The following TENM2 variants were observed in gnomAD, a reference collection of about 807,000 sequenced individuals.
The protein encoded by TENM2 is teneurin-2.
TENM2 carries 52 observed loss-of-function variants against 245.2 expected under a neutral mutation model. That is an observed-to-expected ratio of 0.21 (90% CI 0.17 to 0.27). TENM2 has a LOEUF of 0.27. Among genes scored for constraint, TENM2 ranks in the 10% least tolerant of loss-of-function variants. TENM2 has a pLI of 1.00. For missense variants in TENM2, 3,046 were observed against 3,666.8 expected (o/e 0.83, Z 4.37); for synonymous variants, 1,363 against 1,438.9 (o/e 0.95, Z 1.19).
intron 28 of TENM2, 118 bp downstream of exon 30, chr5:168,260,531 G>T (rs774308974): frequency 3.1e-5 from 37 of 1,193,138 alleles, no homozygotes; most frequent in Non-Finnish European, 4.3e-5. Context: ...GGGTATAAAA[G>T]GTGCAGGACA....
At chr5:167,601,506 A>T (rs1017036413) in intron 2 of TENM2, among the ~76,000 whole-genome samples, 1 of 152,266 alleles carries the variant, frequency 6.6e-6, no homozygotes, top group African/African-American at 2.4e-5. Context: ...CAGAGTATAC[A>T]CAAGTTTAAT....
chr5:168,055,087 A>G (rs1484851225), intron 6 of TENM2, among the ~76,000 whole-genome samples: 1 of 152,176 alleles, frequency 6.6e-6, no homozygotes, highest in Non-Finnish European at 1.5e-5. Flanking sequence ...CAAGGATACC[A>G]GTGAGATCCT....
intron 2 of TENM2, among the ~76,000 whole-genome samples, chr5:167,606,874 T>A (rs1777091718): frequency 6.6e-6 from 1 of 152,156 alleles, no homozygotes. Flanking sequence ...AAAATATCAT[T>A]TTCACCTTAA....
At chr5:167,134,558 A>G in the TENM2 span, among the ~76,000 whole-genome samples, 1 of 152,222 alleles carries the variant, frequency 6.6e-6, no homozygotes, top group African/African-American at 2.4e-5. Flanking sequence ...TCAGTCGGCA[A>G]GAAGAAAGTT....
intron 2 of TENM2, among the ~76,000 whole-genome samples, chr5:167,790,860 C>CA (rs1479887667): frequency 1.3e-5 from 2 of 152,196 alleles, no homozygotes; most frequent in African/African-American, 4.8e-5. Flanking sequence ...GCTTCTCCAT[C>CA]AAATGCTTTC....
At chr5:167,289,272 T>C (rs1754504037) in intron 1 of TENM2, among the ~76,000 whole-genome samples, 1 of 152,300 alleles carries the variant, frequency 6.6e-6, no homozygotes, top group Non-Finnish European at 1.5e-5. Context: ...CTAAATGATA[T>C]TGCTCAGGTA....
chr5:167,329,892 G>A (rs901042500), intron 1 of TENM2, among the ~76,000 whole-genome samples: 11 of 152,096 alleles, frequency 7.2e-5, no homozygotes, highest in African/African-American at 2.4e-4. Context: ...TCCTCATAAA[G>A]CATTTGTGTC....
intron 19 of TENM2, among the ~76,000 whole-genome samples, chr5:168,206,167 G>A (rs562485031): frequency 6.6e-6 from 1 of 152,358 alleles, no homozygotes; most frequent in East Asian, 1.9e-4. Flanking sequence ...AGGAACTGCA[G>A]GTTGCACTTG....
intron 2 of TENM2, among the ~76,000 whole-genome samples, chr5:167,582,660 A>G (rs529411826): frequency 8.2e-4 from 125 of 152,236 alleles, no homozygotes; most frequent in Non-Finnish European, 1.4e-3. Context: ...TTTCAGATAA[A>G]TGAACATTTA....
chr5:167,788,485 G>A (rs1364368), intron 2 of TENM2, among the ~76,000 whole-genome samples: 65,195 of 151,998 alleles, frequency 0.43, 16,296 homozygotes, highest in East Asian at 0.7. Flanking sequence ...TTATTGTGAT[G>A]AAAGTGTCAT....
At position 167,377,551 on chromosome 5, in the gene TENM2, C is replaced by T. The variant is rs766125646; in HGVS notation, c.502+2078C>T. Among the ~76,000 whole-genome samples the T allele has an allele frequency of 1.3e-3, 203 of 152,206 alleles. 2 individuals are homozygous for T. Among genetic ancestry groups the T allele is most frequent in the Non-Finnish European group, 2.1e-3 (144 of 67,970 alleles). ...ATATTTTACATATTCAAAAGAGGTA[C>T]ATAATGTATCTTCTGTTCTCATTCT... On this transcript the variant is annotated intron_variant, in intron 2 of 28. Transcript: ENST00000518659.
chr5:167,298,400 G>A (rs1342272609), intron 1 of TENM2, among the ~76,000 whole-genome samples: 1 of 152,224 alleles, frequency 6.6e-6, no homozygotes. Flanking sequence ...TCAGGAGATT[G>A]AGACCATCCT....
the TENM2 span, among the ~76,000 whole-genome samples, chr5:167,173,832 G>A: frequency 6.6e-6 from 1 of 151,736 alleles, no homozygotes; most frequent in South Asian, 2.1e-4. Flanking sequence ...AAGTAATATC[G>A]CAATGGGAGG....
At chr5:168,214,922 A>G in intron 20 of TENM2, 118 bp from the exon 23 acceptor site, 1 of 798,120 alleles carries the variant, frequency 1.3e-6, no homozygotes, top group Admixed American at 2.0e-5. Flanking sequence ...CCAGTTCACT[A>G]AAGTGGAAAG....
chr5:167,357,745 A>C (rs1759439674), intron 1 of TENM2, among the ~76,000 whole-genome samples: 1 of 152,154 alleles, frequency 6.6e-6, no homozygotes, highest in South Asian at 2.1e-4. Context: ...AAGTTTATTA[A>C]ATTTCAAGTA....
At chr5:167,955,899 C>T (rs1450516010) in intron 4 of TENM2, among the ~76,000 whole-genome samples, 1 of 152,090 alleles carries the variant, frequency 6.6e-6, no homozygotes, top group Non-Finnish European at 1.5e-5. Context: ...AGTCAGGTAG[C>T]GTGATGACTC....
chr5:167,009,446 C>T, the TENM2 span, among the ~76,000 whole-genome samples: 1 of 152,096 alleles, frequency 6.6e-6, no homozygotes, highest in Admixed American at 6.6e-5. Flanking sequence ...ACATAATTAA[C>T]AGGCTTTTGT....
the TENM2 span, among the ~76,000 whole-genome samples, chr5:167,100,675 T>C: frequency 1.3e-5 from 2 of 152,232 alleles, no homozygotes; most frequent in East Asian, 3.9e-4. Context: ...GGGAAGCAAA[T>C]TCTGAGCTTT....
chr5:167,298,476 G>A (rs756337877), intron 1 of TENM2, among the ~76,000 whole-genome samples: 4 of 152,214 alleles, frequency 2.6e-5, no homozygotes, highest in East Asian at 1.9e-4. Flanking sequence ...GGTGGCGGGC[G>A]CCTGAAGTCC....
Sources: allele counts gnomAD v4.1 joint callset (sites outside exome capture counted in the v4.1 genomes callset), GRCh38; gene constraint gnomAD v4.1.1; transcripts MANE v1.5; gene names NCBI Gene and HGNC (gene_info 2026-07-23, HGNC 2026-07-21).